KDM4C: variants seen among roughly 807,000 people sequenced by gnomAD.
KDM4C encodes the protein lysine-specific demethylase 4C.
In KDM4C, 81 loss-of-function variants were observed where a neutral mutation model predicts 129.3. That is an observed-to-expected ratio of 0.63 (90% CI 0.52 to 0.75). KDM4C has a LOEUF of 0.75. Ranked by LOEUF, KDM4C falls within the 30% of genes least tolerant of loss-of-function variation. The probability of loss-of-function intolerance (pLI) is 0.00; values close to 1 mark genes in which losing one functional copy is unlikely to be tolerated. For synonymous variants in KDM4C, 573 were observed against 456.1 expected (o/e 1.26, Z -3.26); for missense variants, 1,457 against 1,304.0 (o/e 1.12, Z -1.81).
At chr9:7,053,632 T>C (rs926203372) in intron 17 of KDM4C, among the ~76,000 whole-genome samples, 3 of 152,254 alleles carry the variant, frequency 2.0e-5, no homozygotes, top group Admixed American at 2.0e-4. Context: ...TGTCCAATTT[T>C]AAATACTTTA....
chr9:7,097,555 C>T (rs1836584548), intron 17 of KDM4C, among the ~76,000 whole-genome samples: 1 of 152,148 alleles, frequency 6.6e-6, no homozygotes, highest in Non-Finnish European at 1.5e-5. Context: ...TTTGGTGCCC[C>T]GCAGGTAGCT....
chr9:7,031,491 A>G (rs1389317839), intron 15 of KDM4C, among the ~76,000 whole-genome samples: 1 of 152,156 alleles, frequency 6.6e-6, no homozygotes, highest in African/African-American at 2.4e-5. Flanking sequence ...TAACAATTAG[A>G]TATAAGCAAA....
At chr9:6,940,162 G>A (rs115051931) in intron 8 of KDM4C, among the ~76,000 whole-genome samples, 2,286 of 151,778 alleles carry the variant, frequency 0.015, 59 homozygotes, top group African/African-American at 0.053. Context: ...TGCAGTATTG[G>A]CTATTGCAAC....
chr9:6,856,508 GATTA>G (rs1166440397), intron 5 of KDM4C, among the ~76,000 whole-genome samples: 2 of 150,200 alleles, frequency 1.3e-5, no homozygotes, highest in East Asian at 3.9e-4. Context: ...ATAGGTTATT[GATTA>G]GTTTTAGGCA....
chr9:7,034,370 CCTT>C (rs1257018187), intron 15 of KDM4C, among the ~76,000 whole-genome samples: 8 of 152,170 alleles, frequency 5.3e-5, no homozygotes, highest in Non-Finnish European at 1.0e-4. Flanking sequence ...TTCTGTCTAT[CCTT>C]CTCAGCCTCT....
At chr9:7,029,146 T>C (rs976088610) in intron 15 of KDM4C, among the ~76,000 whole-genome samples, 10 of 152,214 alleles carry the variant, frequency 6.6e-5, no homozygotes, top group African/African-American at 2.4e-4. Context: ...AATCCTCTCA[T>C]TACTTTTGAC....
intron 15 of KDM4C, among the ~76,000 whole-genome samples, chr9:7,031,130 GTTTATTTATTTATTTATTTATTTATTTA>G (rs57636781): frequency 7.1e-6 from 1 of 141,162 alleles, no homozygotes; most frequent in Non-Finnish European, 1.5e-5. Context: ...TATTTTACTT[GTTTATTTATTTATTTATTTATTTATTTA>G]TTTATTTATT....
chr9:7,030,673 TC>T (rs1314526769), intron 15 of KDM4C, among the ~76,000 whole-genome samples: 1 of 152,254 alleles, frequency 6.6e-6, no homozygotes, highest in Non-Finnish European at 1.5e-5. Context: ...TGTAACCCTG[TC>T]TGCTTTGATG....
At chr9:6,921,018 A>C (rs2131201709) in intron 8 of KDM4C, among the ~76,000 whole-genome samples, 1 of 152,032 alleles carries the variant, frequency 6.6e-6, no homozygotes, top group East Asian at 1.9e-4. Flanking sequence ...TATTTTTTTA[A>C]ATCGGCTTTT....
At chr9:7,132,403 G>A (rs969425678) in intron 19 of KDM4C, among the ~76,000 whole-genome samples, 1 of 152,122 alleles carries the variant, frequency 6.6e-6, no homozygotes, top group Non-Finnish European at 1.5e-5. Flanking sequence ...AAGGAGAAAC[G>A]CTCTTTGAAC....
chr9:7,028,687 A>G (rs1336186294), intron 15 of KDM4C, among the ~76,000 whole-genome samples: 3 of 151,902 alleles, frequency 2.0e-5, no homozygotes, highest in Non-Finnish European at 2.9e-5. Context: ...ACTGCCTTTC[A>G]TGTTTATTTC....
chr9:6,785,791 G>GTTT, intron 1 of KDM4C, among the ~76,000 whole-genome samples: 1 of 152,192 alleles, frequency 6.6e-6, no homozygotes, highest in African/African-American at 2.4e-5. Context: ...GTGTCTTTTG[G>GTTT]GGGGACACAA....
At chr9:6,944,311 G>C (rs1046238557) in intron 8 of KDM4C, among the ~76,000 whole-genome samples, 2 of 152,188 alleles carry the variant, frequency 1.3e-5, no homozygotes, top group Non-Finnish European at 2.9e-5. Context: ...TTGTCTGGAA[G>C]CTGGGGTGTT....
At chr9:6,985,173 G>C (rs1817476950) in intron 10 of KDM4C, among the ~76,000 whole-genome samples, 1 of 152,190 alleles carries the variant, frequency 6.6e-6, no homozygotes, top group Non-Finnish European at 1.5e-5. Context: ...AATGTCAGCT[G>C]TAGTCACCCC....
chr9:7,034,949 G>A (rs1302946643), intron 15 of KDM4C, among the ~76,000 whole-genome samples: 6 of 151,964 alleles, frequency 3.9e-5, no homozygotes, highest in Non-Finnish European at 5.9e-5. Flanking sequence ...TTGTATATTT[G>A]TTTTCCATTT....
intron 8 of KDM4C, among the ~76,000 whole-genome samples, chr9:6,908,835 A>G (rs1818784155): frequency 6.6e-6 from 1 of 152,218 alleles, no homozygotes. Flanking sequence ...TAATAATACC[A>G]AATTGGAACA....
Position 6,724,987 on chromosome 9 carries a change from G to T in KDM4C, c.49+3990G>T, listed in dbSNP as rs190201778. ...TGCACTCCCTCCAGAGGCTCTGGGGGAGGATCGGTTTCCTTGCCTTTTCCA... is the reference window on the plus strand; with the variant it reads ...TGCACTCCCTCCAGAGGCTCTGGGGTAGGATCGGTTTCCTTGCCTTTTCCA... On this transcript the variant is annotated intron_variant, in intron 1 of 17. Transcript: ENST00000536108. Among the ~76,000 whole-genome samples the T allele has an allele frequency of 8.4e-3, 1,280 of 152,282 alleles. 11 individuals carry two copies. Among genetic ancestry groups the T allele is most frequent in the South Asian group, 0.014 (66 of 4,820 alleles).
Position 7,175,391 on chromosome 9 carries a change from C to G in KDM4C, c.*662C>G, listed in dbSNP as rs920389694. ...AATTTTTGGCTCTTGAGAAAGAATT[C>G]TTATGAATTGTTATGCGAATTTTAT... On this transcript the variant is annotated 3_prime_UTR_variant, in exon 22 of 22. Coordinates refer to ENST00000381309, the MANE Select transcript of KDM4C (RefSeq NM_015061.6). The G allele has an allele frequency of 6.6e-6, 1 of 152,440 alleles. No individual in the cohort carries two copies. The highest frequency in any genetic ancestry group is 2.4e-5 in the African/African-American group (1 of 41,378). The allele number at this position is 152,440 out of a possible 1,614,324, so 9.4% of individuals were successfully genotyped here.
intron 5 of KDM4C, among the ~76,000 whole-genome samples, chr9:6,856,747 A>ATTTTTTTTTT (rs781673639): frequency 1.2e-4 from 13 of 104,294 alleles, no homozygotes; most frequent in East Asian, 2.7e-4. Context: ...TAATTTTTGT[A>ATTTTTTTTTT]TTTTTTTTTT....
Sources: gnomAD v4.1 joint callset for allele counts (sites outside exome capture counted in the v4.1 genomes callset) on GRCh38, gnomAD v4.1.1 for gene constraint, MANE v1.5 for transcripts, NCBI Gene and HGNC (gene_info 2026-07-23, HGNC 2026-07-21) for gene names.